Variants in PEAR1 observed in about 807,000 individuals in gnomAD.
PEAR1 encodes the protein multiple EGF-like domains protein 12.
In PEAR1, 113 loss-of-function variants were observed where a neutral mutation model predicts 131.2. The observed-to-expected ratio is 0.86, with a 90% CI of 0.74 to 1.01. The LOEUF is 1.01. Among genes scored for constraint, PEAR1 ranks in the 50% least tolerant of loss-of-function variants. The pLI is 0.00. For missense variants in PEAR1, 1,408 were observed against 1,391.1 expected (o/e 1.01, Z -0.19); for synonymous variants, 565 against 523.3 (o/e 1.08, Z -1.09).
At chr1:156,909,376 CTCGG>C (rs1650778088) in intron 11 of PEAR1, among the ~76,000 whole-genome samples, 1 of 152,170 alleles carries the variant, frequency 6.6e-6, no homozygotes. Flanking sequence ...TTAGGCTGGA[CTCGG>C]ATACAGTTGT....
chr1:156,908,850 A>G lies in PEAR1; in HGVS notation c.1290+21A>G. On this transcript the variant is annotated intron_variant, in intron 10 of 22. Transcript: ENST00000292357. This position sits in a 1 kb window ranked among gnomAD's most constrained non-coding sequence, Gnocchi z 4.2. ...ACACGGTGAGGCGCGCCCGGCTGCAAGGAAGCGAGGCAGGTGGAGAGGCCA... is the reference window on the plus strand; with the variant it reads ...ACACGGTGAGGCGCGCCCGGCTGCAGGGAAGCGAGGCAGGTGGAGAGGCCA... 6.2e-7 allele frequency: 1 copy of G among 1,606,276 alleles called. No homozygotes were observed. Among genetic ancestry groups the G allele is most frequent in the Non-Finnish European group, 8.5e-7 (1 of 1,177,980 alleles).
intron 1 of PEAR1, among the ~76,000 whole-genome samples, chr1:156,894,175 A>G (rs572884725): frequency 5.8e-4 from 88 of 152,290 alleles, no homozygotes; most frequent in African/African-American, 2.0e-3. Flanking sequence ...CAGGGCTGGG[A>G]AGAGAAGACT....
Position 156,905,344 on chromosome 1 carries a change from A to G in PEAR1, c.227A>G (p.Tyr76Cys), listed in dbSNP as rs1482860294. 3 of 1,612,066 alleles carry G rather than the reference A, an allele frequency of 1.9e-6. No homozygotes were observed. Among genetic ancestry groups the G allele is most frequent in the East Asian group, 4.5e-5 (2 of 44,880 alleles). ...PQPTVVYRTVYRQVVKTDHRQ... is the reference protein window; with the variant it reads ...PQPTVVYRTVCRQVVKTDHRQ... ...CGCAGGGTTGTATACCGGACCGTGT[A>G]CCGTCAGGTGGTGAAGACGGACCAC... The change falls in exon 4 of 23, where the codon TAC becomes TGC. Residue 76 changes from tyrosine (Y) to cysteine (C), a missense_variant. By Grantham distance (194) the Tyr-to-Cys change is radical. Transcript: ENST00000292357.
chr1:156,900,170 C>T (rs902761931), intron 1 of PEAR1, among the ~76,000 whole-genome samples: 3 of 152,152 alleles, frequency 2.0e-5, no homozygotes, highest in Admixed American at 6.5e-5. Context: ...TGCTGGGCTG[C>T]GCAGGCGGGA....
Position 156,908,671 on chromosome 1 carries a change from G to A in PEAR1, c.1132G>A (p.Gly378Arg), listed in dbSNP as rs1028593647. 6 of 1,529,992 alleles carry A rather than the reference G, an allele frequency of 3.9e-6. No homozygotes were observed. The highest frequency in any genetic ancestry group is 4.0e-5 in the Admixed American group (2 of 50,562). The allele number at this position is 1,529,992 out of a possible 1,614,324, so 94.8% of individuals were successfully genotyped here. Residue 378 changes from glycine to arginine, a missense_variant, in exon 10 of 23, where the codon GGG (glycine) becomes AGG (arginine). Transcript: ENST00000292357. This position sits in a 1 kb window ranked among gnomAD's most constrained non-coding sequence, Gnocchi z 4.2. ...TGCCCCCAGCTGCCACCCGATGAAC[G>A]GGGAGTGCTCCTGCCTGCCGGGCTG... ...EHSLSCHPMNGECSCLPGWAG... is the reference protein window; with the variant it reads ...EHSLSCHPMNRECSCLPGWAG...
chr1:156,913,577 T>C (rs1260982364), intron 20 of PEAR1, 54 bp downstream of exon 20: 3 of 1,605,136 alleles, frequency 1.9e-6, no homozygotes, highest in Non-Finnish European at 1.7e-6. Flanking sequence ...GCAGCCCAGA[T>C]GCCGCGTCTG....
In PEAR1 at chr1:156,903,953, TCTC is replaced by T. The variant is rs754129767; in HGVS notation, c.30_32del (p.Leu11del). ...TGTCACCGCCTCTGTGTCCCCTCCT[TCTC>T]CTGGCTGTGGGCCTGCGGCTGGCTG... On this transcript the variant is annotated inframe_deletion, in exon 2 of 23. Transcript: ENST00000292357. The T allele has an allele frequency of 1.9e-6, 3 of 1,613,934 alleles. No homozygotes were observed. Among genetic ancestry groups the T allele is most frequent in the East Asian group, 4.5e-5 (2 of 44,848 alleles).
chr1:156,912,616 A>G lies in PEAR1; in HGVS notation c.2203A>G (p.Arg735Gly), dbSNP rs745669777. ...CCCAGGGCACAGTGGTGCACCTTGCAGGATTGGTGAGTTCTTTGCCCTCTC... is the reference window on the plus strand; with the variant it reads ...CCCAGGGCACAGTGGTGCACCTTGCGGGATTGGTGAGTTCTTTGCCCTCTC... Reference protein sequence around the residue: ...CPPGHSGAPCRIGIQEPFTVM... With the variant: ...CPPGHSGAPCGIGIQEPFTVM... Residue 735 changes from arginine to glycine, a missense_variant, in exon 17 of 23, where the codon AGG (arginine) becomes GGG (glycine). Arg to Gly is a moderately radical substitution (Grantham distance 125, BLOSUM62 -2). Coordinates refer to ENST00000292357, the MANE Select transcript of PEAR1 (RefSeq NM_001080471.3). The G allele has an allele frequency of 1.2e-6, 2 of 1,613,266 alleles. No individual in the cohort carries two copies. Among genetic ancestry groups the G allele is most frequent in the Non-Finnish European group, 1.7e-6 (2 of 1,179,614 alleles).
At chr1:156,909,953 G>C in intron 12 of PEAR1, 39 bp downstream of exon 12, 1 of 1,612,084 alleles carries the variant, frequency 6.2e-7, no homozygotes, top group Non-Finnish European at 8.5e-7. Context: ...GGGTGGGGAG[G>C]GCATGGCGTC....
Position 156,910,656 on chromosome 1 carries a change from T to C in PEAR1, c.1864T>C (p.Cys622Arg), listed in dbSNP as rs981258286. Reference sequence around the variant, plus strand: ...CCGCTATGGCAAACGCTGTGTGCCCTGCAAGTGCGCTAACCACTCCTTCTG... The same window carrying C: ...CCGCTATGGCAAACGCTGTGTGCCCCGCAAGTGCGCTAACCACTCCTTCTG... ...PGRYGKRCVP[C>R]KCANHSFCHP... Residue 622 changes from cysteine (C) to arginine (R), a missense_variant, in exon 15 of 23, where the codon TGC (cysteine) becomes CGC (arginine). Transcript: ENST00000292357. 2 of 1,614,134 alleles carry C rather than the reference T, an allele frequency of 1.2e-6. No individual in the cohort carries two copies. Among genetic ancestry groups the C allele is most frequent in the African/African-American group, 1.3e-5 (1 of 75,052 alleles).
At position 156,913,460 on chromosome 1, in the gene PEAR1, C is replaced by A; in HGVS notation, c.2581C>A (p.His861Asn). The change falls in exon 20 of 23, where the codon CAC becomes AAC. Residue 861 changes from histidine to asparagine, a missense_variant. By Grantham distance (68) the His-to-Asn change is moderately conservative. Coordinates refer to ENST00000292357, the MANE Select transcript of PEAR1 (RefSeq NM_001080471.3). Reference protein sequence around the residue: ...RPGGAQGHDNHTTLPADWKHR... With the variant: ...RPGGAQGHDNNTTLPADWKHR... ...AGGTGGGGCCCAAGGGCATGATAAC[C>A]ACACCACCCTGCCTGCTGACTGGAA... 6.2e-7 allele frequency: 1 copy of A among 1,613,704 alleles called. No individual in the cohort carries two copies. The highest frequency in any genetic ancestry group is 1.3e-5 in the African/African-American group (1 of 75,070).
In PEAR1 at chr1:156,907,747, C is replaced by A; in HGVS notation, c.765+17C>A. Reference sequence around the variant, plus strand: ...GGCTGGATGGTATGGAGGGTGGGGCCTGTGGGCATGGGGTGTGGGTCTGGG... The same window carrying A: ...GGCTGGATGGTATGGAGGGTGGGGCATGTGGGCATGGGGTGTGGGTCTGGG... On this transcript the variant is annotated intron_variant, in intron 7 of 22. Transcript: ENST00000292357. The A allele has an allele frequency of 6.3e-7, 1 of 1,598,718 alleles. No individual in the cohort carries two copies. Among genetic ancestry groups the A allele is most frequent in the Non-Finnish European group, 8.5e-7 (1 of 1,172,280 alleles).
In PEAR1 at chr1:156,914,909, G is replaced by A; in HGVS notation, c.*111G>A. 8.0e-7 allele frequency: 1 copy of A among 1,245,200 alleles called. No homozygotes were observed. Among genetic ancestry groups the A allele is most frequent in the Non-Finnish European group, 1.1e-6 (1 of 900,760 alleles). 77.1% of individuals were successfully genotyped at this position (1,245,200 alleles called of 1,614,324 possible). A position where few individuals can be genotyped will look rare whatever the true frequency, so the allele number is the denominator to read the frequency against. ...AGCAGGGAGTGGACCGGCAGGCTGTGAACATGAACAACGCTTAACAGAGCA... is the reference window on the plus strand; with the variant it reads ...AGCAGGGAGTGGACCGGCAGGCTGTAAACATGAACAACGCTTAACAGAGCA... On this transcript the variant is annotated 3_prime_UTR_variant, in exon 23 of 23. Coordinates refer to ENST00000292357, the MANE Select transcript of PEAR1 (RefSeq NM_001080471.3).
At chr1:156,898,362 CT>C (rs758815404) in intron 1 of PEAR1, among the ~76,000 whole-genome samples, 1 of 152,212 alleles carries the variant, frequency 6.6e-6, no homozygotes, top group Non-Finnish European at 1.5e-5. Flanking sequence ...CCCCTCACCC[CT>C]GCCCCTTTCC....
At position 156,915,033 on chromosome 1, in the gene PEAR1, G is replaced by T; in HGVS notation, c.*235G>T. 1 of 498,542 alleles carries T rather than the reference G, an allele frequency of 2.0e-6. No homozygotes were observed. Among genetic ancestry groups the T allele is most frequent in the South Asian group, 3.5e-5 (1 of 28,376 alleles). The allele number at this position is 498,542 out of a possible 1,614,324, so 30.9% of individuals were successfully genotyped here. A position where few individuals can be genotyped will look rare whatever the true frequency, so the allele number is the denominator to read the frequency against. Reference sequence around the variant, plus strand: ...ACCCACTGCTCCCAAGGCCTCCAGGGCCCTGTGTACATAAACTGGTGGGTT... The same window carrying T: ...ACCCACTGCTCCCAAGGCCTCCAGGTCCCTGTGTACATAAACTGGTGGGTT... On this transcript the variant is annotated 3_prime_UTR_variant, in exon 23 of 23. Transcript: ENST00000292357.
At chr1:156,903,867 CAG>C in intron 1 of PEAR1, 49 bp from the exon 2 acceptor site, 1 of 1,470,256 alleles carries the variant, frequency 6.8e-7, no homozygotes, top group South Asian at 1.1e-5. Context: ...ACAGGTCCTC[CAG>C]GCTGCTGGCT....
intron 11 of PEAR1, among the ~76,000 whole-genome samples, chr1:156,909,469 T>G (rs2103008070): frequency 6.6e-6 from 1 of 152,330 alleles, no homozygotes. Flanking sequence ...TATAAGTCAT[T>G]TAGTTACCTG....
intron 1 of PEAR1, among the ~76,000 whole-genome samples, chr1:156,898,202 TG>T (rs1468132333): frequency 2.6e-5 from 4 of 152,142 alleles, no homozygotes; most frequent in African/African-American, 4.8e-5. Flanking sequence ...CGGCGAGGGT[TG>T]GGACTGGCAC....
Position 156,908,306 on chromosome 1 carries a change from G to GC in PEAR1, c.1086dup (p.Cys363LeufsTer74). ...CGGCTTCTACGGTCTCAGCTGCCAG[G>GC]CCCCCTGCACCTGCGACCGGGAGCA... On this transcript the variant is annotated frameshift_variant, in exon 9 of 23. Transcript: ENST00000292357. LOFTEE classifies it high-confidence loss of function. The surrounding 1 kb of genome is among the most constrained non-coding windows in gnomAD (Gnocchi z 4.2). The GC allele has an allele frequency of 1.9e-6, 3 of 1,564,998 alleles. No homozygotes were observed. The highest frequency in any genetic ancestry group is 1.8e-5 in the Admixed American group (1 of 55,004).
Sources: gnomAD v4.1 joint callset for allele counts (sites outside exome capture counted in the v4.1 genomes callset) on GRCh38, gnomAD v4.1.1 for gene constraint, Gnocchi (gnomAD v3.1) non-coding constraint, MANE v1.5 for transcripts, NCBI Gene and HGNC (gene_info 2026-07-23, HGNC 2026-07-21) for gene names.